Variants in MTNAP1 observed in about 807,000 individuals in gnomAD.
The protein encoded by MTNAP1 is mitochondrial nucleoid associated protein 1, also known as mitochondrial nucleoid-associated protein 1.
chr17:73,245,707 G>T, the MTNAP1 span: 1 of 985,240 alleles, frequency 1.0e-6, no homozygotes, highest in Non-Finnish European at 1.2e-6. Context: ...AAGAGCTAAG[G>T]ATGGGCATTC....
the MTNAP1 span, among the ~76,000 whole-genome samples, chr17:73,246,883 C>T: frequency 1.3e-5 from 2 of 152,208 alleles, no homozygotes; most frequent in African/African-American, 4.8e-5. Context: ...TGCCCATTCT[C>T]TGTGAATGCT....
the MTNAP1 span, among the ~76,000 whole-genome samples, chr17:73,242,646 CAA>C: frequency 6.6e-6 from 1 of 152,182 alleles, no homozygotes; most frequent in Admixed American, 6.5e-5. Flanking sequence ...CTCTAAACCT[CAA>C]GTTAACCAGT....
chr17:73,245,512 TAAG>T, the MTNAP1 span: 2 of 985,388 alleles, frequency 2.0e-6, no homozygotes, highest in Non-Finnish European at 2.4e-6. Context: ...TCACTAAAAT[TAAG>T]AAGTCACTTC....
the MTNAP1 span, chr17:73,248,293 T>G: frequency 3.5e-6 from 2 of 578,642 alleles, no homozygotes; most frequent in African/African-American, 3.8e-5. Context: ...CAGAAGCCAG[T>G]ACGCTTCAGG....
At chr17:73,246,158 C>T in the MTNAP1 span, among the ~76,000 whole-genome samples, 6 of 152,214 alleles carry the variant, frequency 3.9e-5, no homozygotes, top group African/African-American at 1.4e-4. Context: ...CACACGCACA[C>T]ACCCGTCTGT....
At chr17:73,245,340 AAAAT>A in the MTNAP1 span, 77 of 1,387,568 alleles carry the variant, frequency 5.5e-5, no homozygotes, top group Admixed American at 1.2e-3. Context: ...ATTGGAATCT[AAAAT>A]AATGATACAG....
At chr17:73,247,548 G>T in the MTNAP1 span, 1 of 527,450 alleles carries the variant, frequency 1.9e-6, no homozygotes, top group South Asian at 2.4e-5. Flanking sequence ...GAAACATAAT[G>T]AAAAGGTTTA....
At chr17:73,244,094 AG>A in the MTNAP1 span, among the ~76,000 whole-genome samples, 1 of 152,244 alleles carries the variant, frequency 6.6e-6, no homozygotes. Flanking sequence ...GCTTGCACTA[AG>A]TCTTAACCAG....
the MTNAP1 span, among the ~76,000 whole-genome samples, chr17:73,238,944 TTTTG>T: frequency 1.1e-4 from 16 of 151,872 alleles, no homozygotes; most frequent in African/African-American, 3.2e-4. Context: ...TGTTTTGTTT[TTTTG>T]TTTGTTTGTT....
the MTNAP1 span, among the ~76,000 whole-genome samples, chr17:73,237,937 G>T: frequency 6.6e-6 from 1 of 152,162 alleles, no homozygotes; most frequent in Non-Finnish European, 1.5e-5. Context: ...AAAAATGTAG[G>T]CCACAGAGAC....
At chr17:73,242,774 T>G in the MTNAP1 span, 3 of 679,508 alleles carry the variant, frequency 4.4e-6, no homozygotes, top group Non-Finnish European at 7.5e-6. Flanking sequence ...TTAAAATATG[T>G]GCGTGTAAAT....
chr17:73,248,003 G>GT, the MTNAP1 span: 1 of 155,572 alleles, frequency 6.4e-6, no homozygotes, highest in Admixed American at 6.3e-5. Flanking sequence ...GTTCAGAATA[G>GT]TTTAAGAGCG....
At chr17:73,246,281 C>T in the MTNAP1 span, among the ~76,000 whole-genome samples, 1 of 152,104 alleles carries the variant, frequency 6.6e-6, no homozygotes, top group Non-Finnish European at 1.5e-5. Context: ...CGCCTGTAAT[C>T]CCAGCACTTT....
At chr17:73,243,178 C>T in the MTNAP1 span, 2 of 651,114 alleles carry the variant, frequency 3.1e-6, no homozygotes. Flanking sequence ...TTTTGAGATA[C>T]AGTTTTGCTC....
the MTNAP1 span, among the ~76,000 whole-genome samples, chr17:73,240,380 T>C: frequency 6.6e-6 from 1 of 152,198 alleles, no homozygotes; most frequent in Admixed American, 6.5e-5. Flanking sequence ...GTTCAGACTT[T>C]GATGTTACCA....
the MTNAP1 span, chr17:73,247,326 A>G: frequency 6.2e-7 from 1 of 1,614,172 alleles, no homozygotes; most frequent in South Asian, 1.1e-5. Context: ...GCCGCTCTAA[A>G]ACATGTTTGG....
the MTNAP1 span, chr17:73,245,096 A>G: frequency 7.0e-7 from 1 of 1,420,758 alleles, no homozygotes. Flanking sequence ...AATGATCTGT[A>G]GAGGCAAAAG....
the MTNAP1 span, chr17:73,245,783 A>G: frequency 6.5e-4 from 565 of 868,752 alleles, 5 homozygotes; most frequent in Non-Finnish European, 5.4e-4. Context: ...AAAATAGCAC[A>G]CTAACTATAA....
chr17:73,242,133 G>T, the MTNAP1 span: 1,015 of 631,484 alleles, frequency 1.6e-3, 24 homozygotes, highest in South Asian at 0.023. Flanking sequence ...TAATGCACCT[G>T]TTTAGAATAT....
Sources: allele counts gnomAD v4.1 joint callset (sites outside exome capture counted in the v4.1 genomes callset), GRCh38; gene constraint gnomAD v4.1.1; transcripts MANE v1.5; gene names NCBI Gene and HGNC (gene_info 2026-07-23, HGNC 2026-07-21).